The following SGMS1 variants were observed in gnomAD, a reference collection of about 807,000 sequenced individuals.
SGMS1 encodes sphingomyelin synthase 1, also known as phosphatidylcholine:ceramide cholinephosphotransferase 1.
Under a neutral mutation model 46.2 loss-of-function variants are expected in SGMS1, and 13 were observed. The ratio of observed to expected loss-of-function variants is 0.28; its 90% confidence interval spans 0.18 to 0.45. The LOEUF is 0.45. SGMS1 is among the 20% of genes least tolerant of loss of function. The pLI is 1.00. For missense variants in SGMS1, 324 were observed against 519.9 expected, an observed-to-expected ratio of 0.62 and a Z score of 3.66; for synonymous variants, 203 against 187.8, an observed-to-expected ratio of 1.08 and a Z score of -0.66.
intron 6 of SGMS1, among the ~76,000 whole-genome samples, chr10:50,367,409 T>C (rs111569127): frequency 2.6e-4 from 39 of 152,342 alleles, no homozygotes; most frequent in African/African-American, 8.9e-4. Context: ...CTAGAGAACA[T>C]GCAAAGGGAT....
chr10:50,394,576 A>G (rs1460083097), intron 6 of SGMS1, among the ~76,000 whole-genome samples: 2 of 152,276 alleles, frequency 1.3e-5, no homozygotes, highest in African/African-American at 4.8e-5. Flanking sequence ...AGATCTGCAC[A>G]AATTCTGGTG....
At chr10:50,379,525 T>C (rs1026137933) in intron 6 of SGMS1, among the ~76,000 whole-genome samples, 9 of 151,860 alleles carry the variant, frequency 5.9e-5, no homozygotes, top group African/African-American at 2.2e-4. Context: ...GGGACAGGGA[T>C]AGAGAATTGG....
intron 3 of SGMS1, among the ~76,000 whole-genome samples, chr10:50,475,414 A>T (rs1175742170): frequency 6.6e-6 from 1 of 152,218 alleles, no homozygotes; most frequent in Non-Finnish European, 1.5e-5. Flanking sequence ...TGCATGCAAT[A>T]TGCTTTTAAC....
At chr10:50,412,713 A>G (rs186677714) in intron 6 of SGMS1, among the ~76,000 whole-genome samples, 6 of 152,254 alleles carry the variant, frequency 3.9e-5, no homozygotes, top group Non-Finnish European at 7.3e-5. Flanking sequence ...GAGACATAAT[A>G]TCAAGAGTAA....
chr10:50,434,724 A>C (rs1588821827), intron 5 of SGMS1, among the ~76,000 whole-genome samples: 1 of 150,962 alleles, frequency 6.6e-6, no homozygotes, highest in East Asian at 1.9e-4. Flanking sequence ...AAAATACAAA[A>C]AAAAAAAAAA....
chr10:50,433,682 CCAAAAA>C (rs1849434635), intron 5 of SGMS1, 126 bp from the exon 6 acceptor site: 1 of 151,936 alleles, frequency 6.6e-6, no homozygotes, highest in African/African-American at 2.4e-5. Flanking sequence ...CTCTTTTTTA[CCAAAAA>C]CAAAAAGGAA....
chr10:50,412,026 C>T (rs1849107389), intron 6 of SGMS1, among the ~76,000 whole-genome samples: 1 of 152,172 alleles, frequency 6.6e-6, no homozygotes, highest in Admixed American at 6.5e-5. Context: ...GCCCCTTATG[C>T]TGGAACTGCT....
chr10:50,415,170 T>C (rs1452366287), intron 6 of SGMS1, among the ~76,000 whole-genome samples: 3 of 152,202 alleles, frequency 2.0e-5, no homozygotes, highest in Non-Finnish European at 4.4e-5. Context: ...TGCATATCTA[T>C]GGCAATGCCC....
At chr10:50,410,550 G>A (rs1849081432) in intron 6 of SGMS1, among the ~76,000 whole-genome samples, 1 of 152,172 alleles carries the variant, frequency 6.6e-6, no homozygotes, top group Non-Finnish European at 1.5e-5. Context: ...GTTACATGAA[G>A]TGGCCAAATT....
At chr10:50,581,957 C>T (rs1182098374) in intron 2 of SGMS1, among the ~76,000 whole-genome samples, 1 of 152,220 alleles carries the variant, frequency 6.6e-6, no homozygotes, top group African/African-American at 2.4e-5. Context: ...ATATCTGAGA[C>T]TCCCACATCC....
chr10:50,326,606 A>C (rs964857184), intron 8 of SGMS1, among the ~76,000 whole-genome samples: 15 of 152,242 alleles, frequency 9.9e-5, no homozygotes, highest in African/African-American at 2.7e-4. Context: ...ACCCTAGTTA[A>C]AAATTCTTCC....
At chr10:50,375,375 A>T (rs1311826009) in intron 6 of SGMS1, among the ~76,000 whole-genome samples, 1 of 152,186 alleles carries the variant, frequency 6.6e-6, no homozygotes, top group African/African-American at 2.4e-5. Flanking sequence ...AAGGCATCAA[A>T]CTTGATGTAG....
intron 2 of SGMS1, among the ~76,000 whole-genome samples, chr10:50,548,983 A>G (rs749439937): frequency 3.9e-4 from 59 of 152,238 alleles, no homozygotes; most frequent in Non-Finnish European, 1.5e-4. Flanking sequence ...GCAAATCAAA[A>G]CCACAATGAG....
At chr10:50,470,152 T>A (rs1237647010) in intron 3 of SGMS1, among the ~76,000 whole-genome samples, 2 of 152,148 alleles carry the variant, frequency 1.3e-5, no homozygotes, top group Non-Finnish European at 2.9e-5. Flanking sequence ...AGTTCAGTAG[T>A]CAATTCTCAG....
At chr10:50,612,944 T>C (rs199648691) in intron 1 of SGMS1, among the ~76,000 whole-genome samples, 1 of 152,152 alleles carries the variant, frequency 6.6e-6, no homozygotes, top group East Asian at 1.9e-4. Context: ...CCTGACCTCA[T>C]AGCCACGTTT....
chr10:50,501,159 C>A (rs1337947201), intron 3 of SGMS1, among the ~76,000 whole-genome samples: 1 of 152,134 alleles, frequency 6.6e-6, no homozygotes, highest in Non-Finnish European at 1.5e-5. Flanking sequence ...TATACTTCCC[C>A]CAAATGTGCC....
chr10:50,595,228 T>G lies in SGMS1; in HGVS notation c.-683-4981A>C, dbSNP rs181210935. On this transcript the variant is annotated intron_variant, in intron 1 of 10. Transcript: ENST00000361781. ...TCCCGCTCTGTTGCCCAGGCTGGAG[T>G]GCAGTAGCACGATCTCGGCTCACTG... Among the ~76,000 whole-genome samples the G allele has an allele frequency of 2.0e-5, 3 of 151,932 alleles. No individual in the cohort carries two copies. In the East Asian group the frequency reaches 5.8e-4, roughly 29 times the overall value.
At chr10:50,415,042 A>G (rs1184254875) in intron 6 of SGMS1, among the ~76,000 whole-genome samples, 2 of 152,188 alleles carry the variant, frequency 1.3e-5, no homozygotes, top group African/African-American at 4.8e-5. Context: ...AATGGCGTCA[A>G]CCCGGGAGGC....
At chr10:50,371,851 G>A (rs997384982) in intron 6 of SGMS1, among the ~76,000 whole-genome samples, 4 of 152,192 alleles carry the variant, frequency 2.6e-5, no homozygotes, top group African/African-American at 9.7e-5. Flanking sequence ...AGGGCAAAGA[G>A]GGGGTGAGCT....
Sources: allele counts gnomAD v4.1 joint callset (sites outside exome capture counted in the v4.1 genomes callset), GRCh38; gene constraint gnomAD v4.1.1; transcripts MANE v1.5; gene names NCBI Gene and HGNC (gene_info 2026-07-23, HGNC 2026-07-21).